The following LOC131768270 variants were observed in gnomAD, a reference collection of about 807,000 sequenced individuals.
the LOC131768270 span, chr5:140,567,389 C>G: frequency 6.2e-7 from 1 of 1,614,188 alleles, no homozygotes; most frequent in Non-Finnish European, 8.5e-7. Flanking sequence ...GGTAGGCTGG[C>G]AAGCATGGCC....
the LOC131768270 span, chr5:140,564,934 C>G: frequency 2.7e-5 from 11 of 400,306 alleles, no homozygotes; most frequent in Non-Finnish European, 4.9e-5. The surrounding 1 kb of genome is among the most constrained non-coding windows in gnomAD (Gnocchi z 5.0). Context: ...CGGGGAGAAG[C>G]GACTCTGGAG....
the LOC131768270 span, chr5:140,568,306 G>A: frequency 8.9e-7 from 1 of 1,128,008 alleles, no homozygotes; most frequent in Non-Finnish European, 1.3e-6. Flanking sequence ...CTGGAGGTTG[G>A]TGGATGAAGG....
the LOC131768270 span, chr5:140,567,098 T>C: frequency 1.2e-6 from 2 of 1,609,810 alleles, no homozygotes; most frequent in South Asian, 1.1e-5. Flanking sequence ...GGGAGCTGGC[T>C]CCATAACTTG....
At chr5:140,564,901 A>G in the LOC131768270 span, 1 of 402,930 alleles carries the variant, frequency 2.5e-6, no homozygotes, top group Non-Finnish European at 4.4e-6. This position sits in a 1 kb window ranked among gnomAD's most constrained non-coding sequence, Gnocchi z 5.0. Flanking sequence ...CGTGGTCTTC[A>G]CTCTCCTTGA....
the LOC131768270 span, chr5:140,568,228 C>T: frequency 1.9e-6 from 3 of 1,599,396 alleles, no homozygotes; most frequent in Non-Finnish European, 1.7e-6. Flanking sequence ...CCTCCCTCTC[C>T]CATCAGCAGC....
At chr5:140,568,307 T>C in the LOC131768270 span, 1 of 1,134,766 alleles carries the variant, frequency 8.8e-7, no homozygotes, top group South Asian at 1.5e-5. Context: ...TGGAGGTTGG[T>C]GGATGAAGGG....
chr5:140,565,628 A>C, the LOC131768270 span: 1 of 306,146 alleles, frequency 3.3e-6, no homozygotes, highest in Admixed American at 5.1e-5. Flanking sequence ...TTGCTATATA[A>C]AATTCTTGTC....
At chr5:140,567,179 G>C in the LOC131768270 span, 1 of 1,614,226 alleles carries the variant, frequency 6.2e-7, no homozygotes, top group African/African-American at 1.3e-5. Context: ...TATGAGTGTA[G>C]AGGATGGGGG....
the LOC131768270 span, among the ~76,000 whole-genome samples, chr5:140,566,246 G>T: frequency 2.6e-5 from 4 of 152,140 alleles, no homozygotes; most frequent in South Asian, 6.2e-4. Context: ...GTGAAAGGAG[G>T]TCCATTTGGC....
chr5:140,567,679 T>G, the LOC131768270 span: 4 of 1,613,740 alleles, frequency 2.5e-6, no homozygotes, highest in Non-Finnish European at 3.4e-6. Flanking sequence ...CCCTTCCCAG[T>G]CCCCCTCCAG....
At chr5:140,568,892 G>C in the LOC131768270 span, 1 of 167,046 alleles carries the variant, frequency 6.0e-6, no homozygotes, top group Non-Finnish European at 1.5e-5. Context: ...CCACTCTGAG[G>C]CTCCTAGGAG....
the LOC131768270 span, chr5:140,568,713 T>G: frequency 5.7e-6 from 1 of 175,432 alleles, no homozygotes; most frequent in South Asian, 1.6e-4. Context: ...CCTAGAGACA[T>G]GCTCCCTGCC....
chr5:140,568,128 A>G, the LOC131768270 span: 1 of 1,613,462 alleles, frequency 6.2e-7, no homozygotes, highest in Non-Finnish European at 8.5e-7. Flanking sequence ...ATGCGCCTGT[A>G]CTATGGCAGC....
chr5:140,565,844 T>C, the LOC131768270 span: 1 of 398,726 alleles, frequency 2.5e-6, no homozygotes, highest in African/African-American at 2.1e-5. Flanking sequence ...TTAGTCAGAC[T>C]GCTGGAGCCA....
chr5:140,565,068 C>T, the LOC131768270 span: 3 of 396,984 alleles, frequency 7.6e-6, no homozygotes, highest in Non-Finnish European at 1.3e-5. Flanking sequence ...CCAGATGTCC[C>T]CTCCTGGGAA....
chr5:140,567,827 C>G, the LOC131768270 span: 1 of 1,614,136 alleles, frequency 6.2e-7, no homozygotes, highest in East Asian at 2.2e-5. Flanking sequence ...CCTGGCACTT[C>G]AGAACCTCTT....
At chr5:140,567,174 G>A in the LOC131768270 span, 6 of 1,614,248 alleles carry the variant, frequency 3.7e-6, no homozygotes, top group Non-Finnish European at 5.1e-6. Flanking sequence ...GTGGGTATGA[G>A]TGTAGAGGAT....
chr5:140,566,682 G>T, the LOC131768270 span: 1 of 525,396 alleles, frequency 1.9e-6, no homozygotes, highest in Non-Finnish European at 3.4e-6. Flanking sequence ...TGGCATCTAT[G>T]CGGCTCAGGC....
the LOC131768270 span, chr5:140,566,725 G>A: frequency 3.4e-6 from 2 of 591,372 alleles, no homozygotes; most frequent in Admixed American, 6.1e-5. Flanking sequence ...AAGACATTAA[G>A]GGACTATTTG....
Sources: gnomAD v4.1 joint callset for allele counts (sites outside exome capture counted in the v4.1 genomes callset) on GRCh38, gnomAD v4.1.1 for gene constraint, Gnocchi (gnomAD v3.1) non-coding constraint, MANE v1.5 for transcripts.